SLC30A10: variants seen among roughly 807,000 people sequenced by gnomAD.
SLC30A10 encodes solute carrier family 30 member 10, also known as calcium/manganese antiporter SLC30A10.
Under a neutral mutation model 21.7 loss-of-function variants are expected in SLC30A10, and 8 were observed. That is an observed-to-expected ratio of 0.37 (90% CI 0.22 to 0.67). The LOEUF is 0.67. Among genes scored for constraint, SLC30A10 ranks in the 30% least tolerant of loss-of-function variants. The pLI is 0.58. For missense variants in SLC30A10, 521 were observed against 642.5 expected (o/e 0.81, Z 2.04); for synonymous variants, 272 against 279.4 (o/e 0.97, Z 0.26).
chr1:219,932,794 G>A (rs961010842), upstream of SLC30A10, among the ~76,000 whole-genome samples: 4 of 148,600 alleles, frequency 2.7e-5, no homozygotes, highest in Non-Finnish European at 4.4e-5. Flanking sequence ...AGGCGAGGTG[G>A]CTCACGCCTG....
chr1:219,948,931 A>G (rs1391381818), intron 1 of SLC30A10, among the ~76,000 whole-genome samples: 9 of 152,150 alleles, frequency 5.9e-5, no homozygotes, highest in Non-Finnish European at 1.2e-4. Flanking sequence ...AAACAACCCC[A>G]TCAAAAAGTG....
chr1:219,949,926 C>G (rs1488591421), intron 1 of SLC30A10, among the ~76,000 whole-genome samples: 1 of 152,096 alleles, frequency 6.6e-6, no homozygotes, highest in African/African-American at 2.4e-5. Context: ...ATCTTGTAAA[C>G]AGCTAGCCAA....
chr1:219,941,148 C>T (rs577625900), intron 1 of SLC30A10, among the ~76,000 whole-genome samples: 4 of 152,310 alleles, frequency 2.6e-5, no homozygotes, highest in African/African-American at 4.8e-5. Context: ...AAATAAAACA[C>T]GAGAAGCACG....
Position 219,913,265 on chromosome 1 carries a change from A to T in SLC30A10, c.*2184T>A, listed in dbSNP as rs1205208919. Among the ~76,000 whole-genome samples, 3 of 152,236 alleles carry T rather than the reference A, an allele frequency of 2.0e-5. No individual in the cohort carries two copies. The highest frequency in any genetic ancestry group is 7.2e-5 in the African/African-American group (3 of 41,462). On this transcript the variant is annotated 3_prime_UTR_variant, in exon 4 of 4. Transcript: ENST00000366926. ...TTACTTCATATTGACTCCAGGCCAT[A>T]ATCTGGTATAACTGTCTATCAAGAT...
rs975326254 is a variant in SLC30A10 at position 219,911,144 on chromosome 1, C to T, written c.*4305G>A. On this transcript the variant is annotated 3_prime_UTR_variant, in exon 4 of 4. Transcript: ENST00000366926. ...AGGTCATGTTTCTTCATTTTTTCTA[C>T]ATCAGTTTTTTTTTTTTTTTTTTTT... Among the ~76,000 whole-genome samples the T allele has an allele frequency of 6.2e-4, 14 of 22,738 alleles. No homozygotes were observed. The highest frequency in any genetic ancestry group is 1.3e-3 in the African/African-American group (11 of 8,202). 14.9% of individuals were successfully genotyped at this position (22,738 alleles called of 152,430 possible).
At chr1:219,935,773 A>G (rs1660038063) in intron 1 of SLC30A10, among the ~76,000 whole-genome samples, 1 of 152,230 alleles carries the variant, frequency 6.6e-6, no homozygotes, top group African/African-American at 2.4e-5. Flanking sequence ...TCTCCTTCAT[A>G]GTTATCTAGA....
At chr1:219,936,619 G>C (rs975876747) in intron 1 of SLC30A10, among the ~76,000 whole-genome samples, 5 of 152,198 alleles carry the variant, frequency 3.3e-5, no homozygotes, top group South Asian at 2.1e-4. Context: ...GAACCTGGGA[G>C]AGAGGTTTCA....
upstream of SLC30A10, among the ~76,000 whole-genome samples, chr1:219,933,172 A>G (rs1659994221): frequency 6.6e-6 from 1 of 152,064 alleles, no homozygotes; most frequent in Admixed American, 6.6e-5. Flanking sequence ...AGCAGCTCTA[A>G]TATGAATGTA....
chr1:219,927,205 A>C (rs1659846746), intron 1 of SLC30A10, 100 bp from the exon 2 acceptor site: 1 of 1,296,882 alleles, frequency 7.7e-7, no homozygotes, highest in Admixed American at 1.9e-5. Context: ...TTAAATTTCT[A>C]CTAGCTTAAG....
intron 1 of SLC30A10, 93 bp from the exon 2 acceptor site, chr1:219,927,198 A>C: frequency 7.5e-7 from 1 of 1,339,570 alleles, no homozygotes; most frequent in Non-Finnish European, 1.1e-6. Context: ...TGTTATTTTA[A>C]ATTTCTACTA....
Position 219,927,013 on chromosome 1 carries a change from C to T in SLC30A10, c.718+15G>A. On this transcript the variant is annotated intron_variant, in intron 2 of 3. Coordinates refer to ENST00000366926, the MANE Select transcript of SLC30A10 (RefSeq NM_018713.3). ...CATAGAAAGGGATTTCAAATAGGCCCAAAGTCAATCCTACCTCTGATATTC... is the reference window on the plus strand; with the variant it reads ...CATAGAAAGGGATTTCAAATAGGCCTAAAGTCAATCCTACCTCTGATATTC... 1.3e-6 allele frequency: 2 copies of T among 1,593,010 alleles called. No homozygotes were observed. The highest frequency in any genetic ancestry group is 1.7e-6 in the Non-Finnish European group (2 of 1,161,662).
chr1:219,954,355 G>C (rs935245413), intron 1 of SLC30A10, among the ~76,000 whole-genome samples: 4 of 151,978 alleles, frequency 2.6e-5, no homozygotes, highest in African/African-American at 9.7e-5. Flanking sequence ...AACAGAAGGA[G>C]AGAGAGAGAA....
intron 1 of SLC30A10, among the ~76,000 whole-genome samples, chr1:219,940,068 C>G (rs530654385): frequency 6.6e-6 from 1 of 152,342 alleles, no homozygotes; most frequent in African/African-American, 2.4e-5. Context: ...AAGGCCGACT[C>G]TATGTGCTTG....
At chr1:219,945,942 C>T (rs969081200) in intron 1 of SLC30A10, among the ~76,000 whole-genome samples, 1 of 152,164 alleles carries the variant, frequency 6.6e-6, no homozygotes, top group Non-Finnish European at 1.5e-5. Context: ...TCCAACTCCA[C>T]CAGGCATGAA....
chr1:219,917,403 A>G (rs1168586825), intron 3 of SLC30A10, among the ~76,000 whole-genome samples: 1 of 152,162 alleles, frequency 6.6e-6, no homozygotes, highest in Non-Finnish European at 1.5e-5. Flanking sequence ...TTGGGAAATG[A>G]TCTAGCTCCT....
At chr1:219,943,482 G>T (rs1660146558) in intron 1 of SLC30A10, among the ~76,000 whole-genome samples, 2 of 152,138 alleles carry the variant, frequency 1.3e-5, no homozygotes, top group Non-Finnish European at 2.9e-5. Flanking sequence ...CAGTGTCAGA[G>T]GAGACCTGCT....
intron 1 of SLC30A10, among the ~76,000 whole-genome samples, chr1:219,945,911 G>C (rs571847663): frequency 3.3e-5 from 5 of 152,170 alleles, no homozygotes; most frequent in Non-Finnish European, 7.4e-5. Context: ...AAACAATCCA[G>C]ACTGAAACTG....
chr1:219,944,607 G>A (rs1165859238), intron 1 of SLC30A10, among the ~76,000 whole-genome samples: 2 of 152,102 alleles, frequency 1.3e-5, no homozygotes, highest in Non-Finnish European at 2.9e-5. Flanking sequence ...TTATAAATAG[G>A]AAAAGATAAA....
chr1:219,912,689 C>T lies in SLC30A10; in HGVS notation c.*2760G>A, dbSNP rs1388660103. Reference sequence around the variant, plus strand: ...CTCTACTAAAAATACAAAAAATTAGCCGGGCATGGTGGCGAGCACCTGTAA... The same window carrying T: ...CTCTACTAAAAATACAAAAAATTAGTCGGGCATGGTGGCGAGCACCTGTAA... On this transcript the variant is annotated 3_prime_UTR_variant, in exon 4 of 4. Coordinates refer to ENST00000366926, the MANE Select transcript of SLC30A10 (RefSeq NM_018713.3). 1.3e-5 allele frequency among the ~76,000 whole-genome samples: 2 copies of T among 151,436 alleles called. No homozygotes were observed. Among genetic ancestry groups the T allele is most frequent in the Non-Finnish European group, 2.9e-5 (2 of 67,858 alleles).
Sources: gnomAD v4.1 joint callset for allele counts (sites outside exome capture counted in the v4.1 genomes callset) on GRCh38, gnomAD v4.1.1 for gene constraint, MANE v1.5 for transcripts, NCBI Gene and HGNC (gene_info 2026-07-23, HGNC 2026-07-21) for gene names.